Variants in DSTYK observed in about 807,000 individuals in gnomAD.
DSTYK encodes dual serine/threonine and tyrosine protein kinase, also known as RIP-homologous kinase.
A neutral mutation model predicts 98.7 loss-of-function variants in DSTYK; 34 were observed. That is an observed-to-expected ratio of 0.34 (90% confidence interval 0.26 to 0.46). The LOEUF (loss-of-function observed/expected upper bound fraction) is 0.46, where lower values mean the gene tolerates loss of function less well. Ranked by LOEUF, DSTYK falls within the 20% of genes least tolerant of loss-of-function variation. DSTYK has a pLI of 1.00. For synonymous variants in DSTYK, 462 were observed against 457.3 expected (o/e 1.01, Z -0.13); for missense variants, 962 against 1,181.7 (o/e 0.81, Z 2.73).
At chr1:205,186,263 G>T (rs1427995468) in intron 2 of DSTYK, among the ~76,000 whole-genome samples, 1 of 152,174 alleles carries the variant, frequency 6.6e-6, no homozygotes, top group Non-Finnish European at 1.5e-5. Flanking sequence ...TTATCCTGGA[G>T]CTAGGAAATG....
At position 205,147,325 on chromosome 1, in the gene DSTYK, C is replaced by T; in HGVS notation, c.*233G>A. On this transcript the variant is annotated 3_prime_UTR_variant, in exon 13 of 13. Transcript: ENST00000367162. Reference sequence around the variant, plus strand: ...TTCCTCAGCTTTTACACATCTGAGACACTTTTTTGCTAAAGGGATAGCTTG... The same window carrying T: ...TTCCTCAGCTTTTACACATCTGAGATACTTTTTTGCTAAAGGGATAGCTTG... The T allele has an allele frequency of 2.5e-6, 1 of 404,734 alleles. No homozygotes were observed. Among genetic ancestry groups the T allele is most frequent in the Middle Eastern group, 6.7e-4 (1 of 1,502 alleles). 25.1% of individuals were successfully genotyped at this position (404,734 alleles called of 1,614,324 possible).
rs915616037 is a variant in DSTYK at position 205,152,802 on chromosome 1, G to A, written c.2353-2008C>T. Among the ~76,000 whole-genome samples, 22 of 152,050 alleles carry A rather than the reference G, an allele frequency of 1.4e-4. 1 individual carries two copies. The highest frequency in any genetic ancestry group is 1.1e-3 in the Admixed American group (17 of 15,266). ...AAACTTTTGGATTTTGGAGCATTTTGGATTTGTAATTTTTGGATTAGGAAT... is the reference window on the plus strand; with the variant it reads ...AAACTTTTGGATTTTGGAGCATTTTAGATTTGTAATTTTTGGATTAGGAAT... On this transcript the variant is annotated intron_variant, in intron 10 of 12. Transcript: ENST00000367162.
chr1:205,161,606 T>C (rs1657722449), intron 6 of DSTYK, among the ~76,000 whole-genome samples: 1 of 152,204 alleles, frequency 6.6e-6, no homozygotes, highest in South Asian at 2.1e-4. Context: ...ACTCTCTGCC[T>C]GGACACACCC....
In DSTYK at chr1:205,169,239, C is replaced by A. The variant is rs1657978299; in HGVS notation, c.1248G>T (p.Met416Ile). ...TAAGTGTCTCAACAATCATATCCTT[C>A]ATTTCCTCCTGCTTTCGGTTGGCAA... ...MNIANRKQEE[M>I]KDMIVETLNT... is the part of the protein sequence containing the mutation. The change falls in exon 3 of 13, where the codon ATG (methionine) becomes ATT (isoleucine). Residue 416 changes from methionine (M) to isoleucine (I), a missense_variant. By Grantham distance (10) the Met-to-Ile change is conservative. This residue lies in a region of DSTYK where 660 missense variants were observed against 855.0 expected (regional missense o/e 0.77). Transcript: ENST00000367162. This position sits in a 1 kb window ranked among gnomAD's most constrained non-coding sequence, Gnocchi z 4.0. 1.2e-6 allele frequency: 2 copies of A among 1,613,962 alleles called. No individual in the cohort carries two copies. The highest frequency in any genetic ancestry group is 2.7e-5 in the African/African-American group (2 of 74,930).
At chr1:205,160,439 G>A (rs189708415) in intron 7 of DSTYK, among the ~76,000 whole-genome samples, 169 bp from the exon 8 acceptor site, 2 of 151,990 alleles carry the variant, frequency 1.3e-5, no homozygotes, top group African/African-American at 2.4e-5. Flanking sequence ...GGGTTCAAGC[G>A]ATTATTCTGC....
intron 1 of DSTYK, among the ~76,000 whole-genome samples, chr1:205,210,774 T>C (rs1016366236): frequency 1.3e-5 from 2 of 152,232 alleles, no homozygotes; most frequent in African/African-American, 4.8e-5. Context: ...TCATGATTGG[T>C]GTGAACACAT....
chr1:205,196,203 G>C (rs139144277), intron 1 of DSTYK, among the ~76,000 whole-genome samples: 10 of 152,190 alleles, frequency 6.6e-5, no homozygotes, highest in Non-Finnish European at 8.8e-5. Context: ...CAAGAGAAAA[G>C]GAAAGCTCTT....
At chr1:205,207,080 CTTT>C (rs34237326) in intron 1 of DSTYK, among the ~76,000 whole-genome samples, 3 of 140,630 alleles carry the variant, frequency 2.1e-5, no homozygotes, top group Non-Finnish European at 3.1e-5. Flanking sequence ...ACTCCAGTAT[CTTT>C]TTTTTTTTTT....
intron 1 of DSTYK, among the ~76,000 whole-genome samples, chr1:205,200,776 G>A (rs375593321): frequency 1.3e-5 from 2 of 152,316 alleles, no homozygotes; most frequent in South Asian, 4.1e-4. Context: ...TCATGGTGAA[G>A]CTCAGGTCTA....
rs1659066478 is a variant in DSTYK, at chr1:205,202,271, G to A, written c.265+9000C>T. ...GTTCAAATCTTCGTGTTCACTTTAA[G>A]AATACTCATGACACTTCTCAGGCCA... On this transcript the variant is annotated intron_variant, in intron 1 of 12. Transcript: ENST00000367162. The A allele has an allele frequency of 6.4e-6, 4 of 629,742 alleles. No homozygotes were observed. The Admixed American group carries it at 7.3e-5, about 12-fold the overall frequency. 39.0% of individuals were successfully genotyped at this position (629,742 alleles called of 1,614,324 possible).
At chr1:205,194,771 T>C (rs1658815278) in intron 1 of DSTYK, among the ~76,000 whole-genome samples, 1 of 150,628 alleles carries the variant, frequency 6.6e-6, no homozygotes, top group East Asian at 2.0e-4. Flanking sequence ...TCTTGGGTCA[T>C]AGCAACCTCC....
At chr1:205,181,697 TGGCGG>T (rs1234040891) in intron 2 of DSTYK, among the ~76,000 whole-genome samples, 1 of 138,104 alleles carries the variant, frequency 7.2e-6, no homozygotes, top group Non-Finnish European at 1.5e-5. Context: ...TGTGTGTGTG[TGGCGG>T]GGCAGGGGTG....
chr1:205,156,362 G>A (rs192069518), intron 10 of DSTYK, among the ~76,000 whole-genome samples: 1 of 152,336 alleles, frequency 6.6e-6, no homozygotes, highest in African/African-American at 2.4e-5. Context: ...CCAGGAGGTA[G>A]GCTGTATCCT....
At chr1:205,159,969 A>G (rs2102397537) in intron 8 of DSTYK, 145 bp downstream of exon 8, 1 of 974,042 alleles carries the variant, frequency 1.0e-6, no homozygotes, top group African/African-American at 1.6e-5. Context: ...AAGACAGTAA[A>G]GGCCTGAAAG....
At chr1:205,196,639 GT>G (rs1287118709) in intron 1 of DSTYK, among the ~76,000 whole-genome samples, 1 of 151,964 alleles carries the variant, frequency 6.6e-6, no homozygotes, top group African/African-American at 2.4e-5. Context: ...CTGGAAGGAG[GT>G]TTTTTGAGAA....
In DSTYK at chr1:205,147,561, A is replaced by G; in HGVS notation, c.2787T>C (p.Thr929=). The change falls in exon 13 of 13, where the codon ACT becomes ACC. Residue 929 remains threonine (T), a synonymous_variant. Coordinates refer to ENST00000367162, the MANE Select transcript of DSTYK (RefSeq NM_015375.3). ...EQPNRGLDDS[T] ...TGAAAGAGAAAGGTCTTTGCTTTCA[A>G]GTAGAATCATCTAGTCCTCTGTTTG... 6.2e-7 allele frequency: 1 copy of G among 1,603,344 alleles called. No individual in the cohort carries two copies. The highest frequency in any genetic ancestry group is 8.5e-7 in the Non-Finnish European group (1 of 1,171,066).
intron 1 of DSTYK, among the ~76,000 whole-genome samples, chr1:205,190,615 C>CAA (rs760042971): frequency 0.026 from 1,833 of 69,336 alleles, 40 homozygotes; most frequent in African/African-American, 0.051. Context: ...GACTCCATCT[C>CAA]AAAAAAAAAA....
At chr1:205,170,593 C>T (rs1490271484) in intron 2 of DSTYK, among the ~76,000 whole-genome samples, 1 of 152,172 alleles carries the variant, frequency 6.6e-6, no homozygotes, top group Non-Finnish European at 1.5e-5. Context: ...CTGTCCTGTT[C>T]TGAGTCTGTA....
chr1:205,196,474 A>G (rs1016181920), intron 1 of DSTYK, among the ~76,000 whole-genome samples: 1 of 152,110 alleles, frequency 6.6e-6, no homozygotes, highest in African/African-American at 2.4e-5. Context: ...GGATTTCTTG[A>G]GCCCAGGAGA....
Sources: gnomAD v4.1 joint callset for allele counts (sites outside exome capture counted in the v4.1 genomes callset) on GRCh38, gnomAD v4.1.1 for gene constraint, gnomAD v4.1.1 regional missense constraint, Gnocchi (gnomAD v3.1) non-coding constraint, MANE v1.5 for transcripts, NCBI Gene and HGNC (gene_info 2026-07-23, HGNC 2026-07-21) for gene names.